Variants in CD1B observed in about 807,000 individuals in gnomAD.
CD1B encodes the protein CD1b molecule.
In CD1B, 43 loss-of-function variants were observed where a neutral mutation model predicts 39.8. The observed-to-expected ratio is 1.08, with a 90% CI of 0.85 to 1.39. The LOEUF (loss-of-function observed/expected upper bound fraction) is 1.39. CD1B is among the 40% of genes most tolerant of loss of function. CD1B has a pLI of 0.00. For missense variants in CD1B, 495 were observed against 403.8 expected, an observed-to-expected ratio of 1.23 and a Z score of -1.94; for synonymous variants, 192 against 152.5, an observed-to-expected ratio of 1.26 and a Z score of -1.91.
chr1:158,303,905 G>T, the CD1B span, among the ~76,000 whole-genome samples: 5 of 152,168 alleles, frequency 3.3e-5, no homozygotes, highest in Admixed American at 6.5e-5. Context: ...TTTTTTCATA[G>T]AATTTGAAAA....
At chr1:158,326,218 C>T (rs375607997), downstream of CD1B, among the ~76,000 whole-genome samples, 73 of 152,124 alleles carry the variant, frequency 4.8e-4, no homozygotes, top group East Asian at 0.01. Flanking sequence ...GTGATCCGCC[C>T]GCCTCGGCCT....
At chr1:158,327,407 G>T (rs1652394111), downstream of CD1B, among the ~76,000 whole-genome samples, 1 of 151,944 alleles carries the variant, frequency 6.6e-6, no homozygotes, top group Non-Finnish European at 1.5e-5. Flanking sequence ...GTTTGGAACA[G>T]AAATAAAGAA....
chr1:158,306,962 C>A, the CD1B span, among the ~76,000 whole-genome samples: 4 of 151,938 alleles, frequency 2.6e-5, no homozygotes, highest in African/African-American at 9.7e-5. Flanking sequence ...GCACTAAATG[C>A]CCACTAGAGA....
At chr1:158,321,543 T>A in the CD1B span, among the ~76,000 whole-genome samples, 1 of 152,202 alleles carries the variant, frequency 6.6e-6, no homozygotes, top group Non-Finnish European at 1.5e-5. Context: ...ACTACTGACA[T>A]TTTGTTACTT....
the CD1B span, chr1:158,293,466 A>G: frequency 1.2e-6 from 2 of 1,614,064 alleles, no homozygotes; most frequent in Non-Finnish European, 1.7e-6. Flanking sequence ...TCATATCAGG[A>G]CATCCTGTGA....
the CD1B span, among the ~76,000 whole-genome samples, chr1:158,299,146 G>T: frequency 1.3e-5 from 2 of 152,104 alleles, no homozygotes; most frequent in East Asian, 3.9e-4. Context: ...TATTGGCTGT[G>T]GGTTTGTCAT....
At chr1:158,305,579 A>T in the CD1B span, among the ~76,000 whole-genome samples, 2 of 152,156 alleles carry the variant, frequency 1.3e-5, no homozygotes, top group African/African-American at 4.8e-5. Context: ...AAATACAGAG[A>T]ATGCCACAAA....
In CD1B at chr1:158,330,735, T is replaced by C. The variant is rs766993873; in HGVS notation, c.328+61A>G. ...AGAAGCATCAGAGAGAGCAACACTT[T>C]GCAAAAAAGAGAGAAAAGAGAGTCC... On this transcript the variant is annotated intron_variant, in intron 2 of 5. Coordinates refer to ENST00000368168, the MANE Select transcript of CD1B (RefSeq NM_001764.3). 6 of 1,540,762 alleles carry C rather than the reference T, an allele frequency of 3.9e-6. No individual in the cohort carries two copies. The African/African-American group carries it at 6.8e-5, about 17-fold the overall frequency.
chr1:158,307,163 A>G, the CD1B span, among the ~76,000 whole-genome samples: 7 of 152,070 alleles, frequency 4.6e-5, no homozygotes, highest in Admixed American at 4.6e-4. Context: ...GAAAAGATCA[A>G]CAAAATTGAC....
At chr1:158,290,157 A>C in the CD1B span, 2 of 1,600,970 alleles carry the variant, frequency 1.2e-6, no homozygotes, top group Non-Finnish European at 1.7e-6. Context: ...GCAAGGTTAC[A>C]TGTATCTGGG....
At chr1:158,306,617 C>G in the CD1B span, among the ~76,000 whole-genome samples, 1 of 152,216 alleles carries the variant, frequency 6.6e-6, no homozygotes, top group African/African-American at 2.4e-5. Flanking sequence ...CCCAAATCAA[C>G]AGAATAGACA....
chr1:158,293,718 C>A, the CD1B span: 955 of 901,406 alleles, frequency 1.1e-3, 1 homozygote, highest in Non-Finnish European at 1.4e-3. Flanking sequence ...TCTTCCTTGA[C>A]CCATACTGAA....
the CD1B span, among the ~76,000 whole-genome samples, chr1:158,306,466 C>A: frequency 6.6e-6 from 1 of 152,130 alleles, no homozygotes; most frequent in Non-Finnish European, 1.5e-5. Flanking sequence ...CTTAGACTCC[C>A]ACACAATAAT....
intron 5 of CD1B, 115 bp downstream of exon 5, chr1:158,328,806 T>G: frequency 1.4e-6 from 1 of 721,682 alleles, no homozygotes; most frequent in Non-Finnish European, 2.3e-6. Flanking sequence ...GGGGAAAGGA[T>G]ATGGTGAAAG....
chr1:158,291,698 A>G, the CD1B span, among the ~76,000 whole-genome samples: 9 of 152,102 alleles, frequency 5.9e-5, no homozygotes, highest in Non-Finnish European at 1.3e-4. Flanking sequence ...AATAAAATCT[A>G]TTCCCCCATT....
downstream of CD1B, among the ~76,000 whole-genome samples, chr1:158,327,264 C>G (rs978629207): frequency 1.3e-5 from 2 of 152,164 alleles, no homozygotes; most frequent in Non-Finnish European, 2.9e-5. Flanking sequence ...TTTTACAAAA[C>G]TCTTGCTAGC....
At chr1:158,303,784 T>A in the CD1B span, among the ~76,000 whole-genome samples, 2 of 152,146 alleles carry the variant, frequency 1.3e-5, no homozygotes, top group African/African-American at 4.8e-5. Flanking sequence ...TACAACTGAA[T>A]GTAAAAATAT....
the CD1B span, chr1:158,293,603 T>C: frequency 2.5e-6 from 4 of 1,607,716 alleles, no homozygotes; most frequent in East Asian, 2.2e-5. Context: ...TAAACATTTG[T>C]TAATAAAAAC....
the CD1B span, among the ~76,000 whole-genome samples, chr1:158,306,999 C>G: frequency 6.6e-6 from 1 of 151,948 alleles, no homozygotes; most frequent in Non-Finnish European, 1.5e-5. Flanking sequence ...AAATTGACAC[C>G]ATAACATCAC....
Sources: gnomAD v4.1 joint callset for allele counts (sites outside exome capture counted in the v4.1 genomes callset) on GRCh38, gnomAD v4.1.1 for gene constraint, MANE v1.5 for transcripts, NCBI Gene and HGNC (gene_info 2026-07-23, HGNC 2026-07-21) for gene names.